KCNMB2: variants seen among roughly 807,000 people sequenced by gnomAD.
KCNMB2 encodes the protein potassium calcium-activated channel subfamily M regulatory beta subunit 2.
KCNMB2 carries 9 observed loss-of-function variants against 24.5 expected under a neutral mutation model. The ratio of observed to expected loss-of-function variants is 0.37; its 90% CI spans 0.22 to 0.64. The LOEUF (loss-of-function observed/expected upper bound fraction) is 0.64, where lower values mean the gene tolerates loss of function less well. KCNMB2 is among the 30% of genes least tolerant of loss of function. The probability of loss-of-function intolerance (pLI) is 0.63; values close to 1 mark genes in which losing one functional copy is unlikely to be tolerated. For synonymous variants in KCNMB2, 109 were observed against 104.4 expected, an observed-to-expected ratio of 1.04 and a Z score of -0.27; for missense variants, 226 against 284.3, an observed-to-expected ratio of 0.79 and a Z score of 1.47.
intron 1 of KCNMB2, among the ~76,000 whole-genome samples, chr3:178,783,987 G>T (rs1035146466): frequency 1.3e-5 from 2 of 152,136 alleles, no homozygotes; most frequent in African/African-American, 2.4e-5. Flanking sequence ...AATTTATTGA[G>T]ATTTTTTAGC....
At chr3:178,560,105 A>T (rs1716263384) in intron 1 of KCNMB2, among the ~76,000 whole-genome samples, 1 of 148,942 alleles carries the variant, frequency 6.7e-6, no homozygotes, top group African/African-American at 2.4e-5. Context: ...CTTTTTATAT[A>T]TATATAAATT....
At chr3:178,776,915 A>C (rs568391132) in intron 1 of KCNMB2, among the ~76,000 whole-genome samples, 1 of 152,334 alleles carries the variant, frequency 6.6e-6, no homozygotes, top group African/African-American at 2.4e-5. Flanking sequence ...AACCTTCATC[A>C]GTAAAATAGG....
intron 1 of KCNMB2, among the ~76,000 whole-genome samples, chr3:178,717,262 T>C (rs576666813): frequency 6.6e-6 from 1 of 152,226 alleles, no homozygotes; most frequent in Admixed American, 6.5e-5. Context: ...CCAGCACCAC[T>C]GTGTTCATGA....
rs543529329 is a variant in KCNMB2, at chr3:178,599,929, G to T, written c.-68+63218G>T. The stretch of plus-strand genomic sequence containing the variant: ...ACTCTTTCACCCAGCCCAGGCTGGA[G>T]TCAAGTGGCATGATCTTGGCTCACT... On this transcript the variant is annotated intron_variant, in intron 1 of 4. Transcript: ENST00000452583. Among the ~76,000 whole-genome samples, 3 of 152,330 alleles carry T rather than the reference G, an allele frequency of 2.0e-5. No homozygotes were observed. The East Asian group carries it at 5.8e-4, about 29-fold the overall frequency.
intron 1 of KCNMB2, among the ~76,000 whole-genome samples, chr3:178,731,349 AT>A (rs1371056977): frequency 6.6e-6 from 1 of 152,206 alleles, no homozygotes; most frequent in Non-Finnish European, 1.5e-5. Flanking sequence ...ATTTTCCAAC[AT>A]TTCGGGCTAG....
chr3:178,581,405 A>G (rs952752202), intron 1 of KCNMB2, among the ~76,000 whole-genome samples: 5 of 152,374 alleles, frequency 3.3e-5, no homozygotes, highest in African/African-American at 1.2e-4. Context: ...ACCTAAAACC[A>G]TAAAAACCCT....
intron 1 of KCNMB2, among the ~76,000 whole-genome samples, chr3:178,615,489 C>T (rs6783091): frequency 0.36 from 55,415 of 152,038 alleles, 10,789 homozygotes; most frequent in African/African-American, 0.51. Context: ...AAATCACAGA[C>T]GCACTTGTTC....
intron 1 of KCNMB2, among the ~76,000 whole-genome samples, chr3:178,748,728 G>C (rs560872513): frequency 7.9e-5 from 12 of 152,084 alleles, no homozygotes; most frequent in Non-Finnish European, 1.5e-4. Flanking sequence ...TGAAAATTGA[G>C]AACCCCGCTA....
chr3:178,563,822 A>C (rs1369179089), intron 1 of KCNMB2, among the ~76,000 whole-genome samples: 1 of 152,218 alleles, frequency 6.6e-6, no homozygotes, highest in Non-Finnish European at 1.5e-5. Context: ...TAGGATCTGC[A>C]ATCTCTCAGA....
At chr3:178,771,388 T>C (rs1253600619) in intron 1 of KCNMB2, among the ~76,000 whole-genome samples, 2 of 150,816 alleles carry the variant, frequency 1.3e-5, no homozygotes, top group African/African-American at 4.9e-5. Context: ...TCCACTTCAC[T>C]CCAGGCAAAA....
chr3:178,688,047 G>A (rs1721526470), intron 1 of KCNMB2, among the ~76,000 whole-genome samples: 1 of 152,144 alleles, frequency 6.6e-6, no homozygotes, highest in Non-Finnish European at 1.5e-5. Context: ...GAGGAAAGAG[G>A]TTAGGTTTGG....
intron 1 of KCNMB2, among the ~76,000 whole-genome samples, chr3:178,691,107 C>CTTTTTTTTTTTTTTTTTTTTT: frequency 0.012 from 938 of 79,690 alleles, 171 homozygotes; most frequent in Non-Finnish European, 0.014. Flanking sequence ...CCCATTAAGT[C>CTTTTTTTTTTTTTTTTTTTTT]TTTTTTTTTT....
intron 1 of KCNMB2, among the ~76,000 whole-genome samples, chr3:178,649,378 A>G (rs971204054): frequency 1.1e-4 from 16 of 152,052 alleles, no homozygotes; most frequent in African/African-American, 3.9e-4. Flanking sequence ...CTTTTTGCAT[A>G]TTATGTGAGG....
At chr3:178,625,050 G>A (rs1166675173) in intron 1 of KCNMB2, among the ~76,000 whole-genome samples, 1 of 152,126 alleles carries the variant, frequency 6.6e-6, no homozygotes, top group Non-Finnish European at 1.5e-5. Context: ...GGTGGCTCCT[G>A]GGGTAAGGCA....
intron 1 of KCNMB2, among the ~76,000 whole-genome samples, chr3:178,624,748 C>T (rs1389782285): frequency 1.4e-5 from 2 of 142,520 alleles, no homozygotes; most frequent in East Asian, 4.6e-4. Flanking sequence ...GGTGGGGGCT[C>T]GGTCCTGGGT....
intron 2 of KCNMB2, among the ~76,000 whole-genome samples, chr3:178,823,912 C>CCAA (rs111809643): frequency 2.1e-4 from 32 of 151,526 alleles, no homozygotes; most frequent in East Asian, 1.7e-3. Context: ...TTGCCTGAAG[C>CCAA]TAAAAAAAAA....
chr3:178,798,407 G>C (rs375560339), intron 1 of KCNMB2, among the ~76,000 whole-genome samples: 11 of 151,946 alleles, frequency 7.2e-5, no homozygotes, highest in African/African-American at 2.4e-4. Flanking sequence ...TTGTTTGTTT[G>C]TTTGCTTGTT....
chr3:178,793,452 C>T (rs1344255993), intron 1 of KCNMB2, among the ~76,000 whole-genome samples: 1 of 151,462 alleles, frequency 6.6e-6, no homozygotes, highest in Admixed American at 6.6e-5. Flanking sequence ...CAAAGCTGGA[C>T]TACAGTGATG....
rs1173773845 is a variant in KCNMB2, at chr3:178,811,781, C to T, written c.56+4316C>T. On this transcript the variant is annotated intron_variant, in intron 2 of 4. Coordinates refer to ENST00000452583, the MANE Select transcript of KCNMB2 (RefSeq NM_181361.3). ...GCAGCTTTAATTTTACCAAGTAATG[C>T]CATGGTTTTCCAAAGGAGCCATACA... 3.3e-5 allele frequency among the ~76,000 whole-genome samples: 5 copies of T among 152,166 alleles called. No homozygotes were observed. In the East Asian group the frequency reaches 9.6e-4, roughly 29 times the overall value.
Sources: allele counts gnomAD v4.1 joint callset (sites outside exome capture counted in the v4.1 genomes callset), GRCh38; gene constraint gnomAD v4.1.1; transcripts MANE v1.5; gene names NCBI Gene and HGNC (gene_info 2026-07-23, HGNC 2026-07-21).